CNOT6: variants seen among roughly 807,000 people sequenced by gnomAD.
The protein encoded by CNOT6 is carbon catabolite repression 4 protein.
In CNOT6, 12 loss-of-function variants were observed where a neutral mutation model predicts 61.2. The ratio of observed to expected loss-of-function variants is 0.20; its 90% CI spans 0.13 to 0.32. The LOEUF is 0.32. Among genes scored for constraint, CNOT6 ranks in the 10% least tolerant of loss-of-function variants. The pLI is 1.00. For synonymous variants in CNOT6, 225 were observed against 240.6 expected (o/e 0.94, Z 0.60); for missense variants, 405 against 663.9 (o/e 0.61, Z 4.28).
chr5:180,501,281 T>C (rs571101279), intron 1 of CNOT6, among the ~76,000 whole-genome samples: 1 of 152,238 alleles, frequency 6.6e-6, no homozygotes, highest in Admixed American at 6.5e-5. Context: ...GATACCAGAA[T>C]TAGGGACAGA....
chr5:180,510,179 T>C (rs13182715), intron 1 of CNOT6, among the ~76,000 whole-genome samples: 55,267 of 116,796 alleles, frequency 0.47, 13,958 homozygotes, highest in Non-Finnish European at 0.58. Context: ...TAAGAGATGG[T>C]GTTTTTCTGT....
At chr5:180,509,168 G>T (rs143854416) in intron 1 of CNOT6, among the ~76,000 whole-genome samples, 1,944 of 151,518 alleles carry the variant, frequency 0.013, 39 homozygotes, top group African/African-American at 0.044. Context: ...GTCTGGTTCT[G>T]TCACCCAGAC....
chr5:180,568,132 T>C, intron 9 of CNOT6, 129 bp downstream of exon 9: 1 of 861,378 alleles, frequency 1.2e-6, no homozygotes. Flanking sequence ...TGAGAAGTTG[T>C]CTTTCCTAAA....
rs879653655 is a variant in CNOT6 at position 180,530,241 on chromosome 5, A to G, written c.112+853A>G. On this transcript the variant is annotated intron_variant, in intron 2 of 11. Transcript: ENST00000261951. ...TTAATGCAGCAGACATACTGAGCAT[A>G]TGCTGTGTGTAAAACATTTTACCTG... 5.3e-5 allele frequency among the ~76,000 whole-genome samples: 8 copies of G among 152,354 alleles called. No individual in the cohort carries two copies. The East Asian group carries it at 7.7e-4, about 15-fold the overall frequency.
intron 1 of CNOT6, among the ~76,000 whole-genome samples, chr5:180,522,267 ATGCTGGCTAATTTTT>A (rs934401234): frequency 2.0e-5 from 3 of 151,946 alleles, no homozygotes; most frequent in Non-Finnish European, 4.4e-5. Context: ...ACATGCCACC[ATGCTGGCTAATTTTT>A]GTATTTTTTT....
In CNOT6 at chr5:180,571,395, G is replaced by A; in HGVS notation, c.1424G>A (p.Gly475Asp). ...GFKLQSAYES[G>D]LMPYTNYTFD... ...AAGTTACAGAGTGCCTATGAGAGTG[G>A]CCTGATGCCTTACACGAATTACACA... Residue 475 changes from glycine to aspartate, a missense_variant, in exon 11 of 12, where the codon GGC (glycine) becomes GAC (aspartate). Physicochemically the swap from Gly to Asp is moderately conservative, Grantham distance 94. Transcript: ENST00000261951. 1 of 1,614,158 alleles carries A rather than the reference G, an allele frequency of 6.2e-7. No homozygotes were observed. Among genetic ancestry groups the A allele is most frequent in the Non-Finnish European group, 8.5e-7 (1 of 1,180,002 alleles).
At chr5:180,543,615 G>A (rs1446999670) in intron 2 of CNOT6, among the ~76,000 whole-genome samples, 1 of 152,182 alleles carries the variant, frequency 6.6e-6, no homozygotes, top group Non-Finnish European at 1.5e-5. Flanking sequence ...ATCACAAATT[G>A]TGGAATTGAT....
chr5:180,546,595 T>C (rs1358728959), intron 2 of CNOT6, among the ~76,000 whole-genome samples: 2 of 152,272 alleles, frequency 1.3e-5, no homozygotes, highest in South Asian at 2.1e-4. Context: ...ACCCACGTTA[T>C]CTTATTTCTA....
At chr5:180,515,966 A>C (rs1757618949) in intron 1 of CNOT6, among the ~76,000 whole-genome samples, 1 of 152,128 alleles carries the variant, frequency 6.6e-6, no homozygotes, top group Admixed American at 6.6e-5. Context: ...GGTGGAGTGC[A>C]GTGGCTTGAT....
intron 1 of CNOT6, among the ~76,000 whole-genome samples, chr5:180,503,112 C>CT (rs1439653690): frequency 9.2e-5 from 14 of 152,202 alleles, no homozygotes; most frequent in African/African-American, 3.1e-4. Context: ...GGCTCTGCTG[C>CT]TTTACATGTG....
chr5:180,504,752 G>T (rs116595056), intron 1 of CNOT6, among the ~76,000 whole-genome samples: 1 of 151,938 alleles, frequency 6.6e-6, no homozygotes, highest in Non-Finnish European at 1.5e-5. Context: ...AGAGATTTGC[G>T]GAACTGAGAC....
At chr5:180,505,251 A>ATTTTTT (rs70973919) in intron 1 of CNOT6, among the ~76,000 whole-genome samples, 2 of 60,424 alleles carry the variant, frequency 3.3e-5, no homozygotes, top group East Asian at 4.1e-4. Context: ...GTAATAGTTA[A>ATTTTTT]TTTTTTTTTT....
chr5:180,511,925 TTTTTAACATATC>T (rs1162977727), intron 1 of CNOT6, among the ~76,000 whole-genome samples: 3 of 152,234 alleles, frequency 2.0e-5, no homozygotes, highest in Non-Finnish European at 4.4e-5. Context: ...CCTGGCTCCA[TTTTTAACATATC>T]ACTGTTTTCC....
Position 180,567,255 on chromosome 5 carries a change from A to C in CNOT6, c.872+13A>C. 2 of 1,593,506 alleles carry C rather than the reference A, an allele frequency of 1.3e-6. No individual in the cohort carries two copies. Among genetic ancestry groups the C allele is most frequent in the East Asian group, 4.5e-5 (2 of 44,614 alleles). On this transcript the variant is annotated intron_variant, in intron 8 of 11. Transcript: ENST00000261951. ...TCAAGACAGAAAAGTAAGTCATCTT[A>C]TTTTTTAAAAAGAACGTTTTCTCAG...
At chr5:180,495,593 G>A (rs1045328409) in intron 1 of CNOT6, 1 of 152,218 alleles carries the variant, frequency 6.6e-6, no homozygotes, top group African/African-American at 2.4e-5. Context: ...TACTGTGTAA[G>A]CTGATGTGTT....
intron 3 of CNOT6, among the ~76,000 whole-genome samples, chr5:180,552,369 A>C (rs987498686): frequency 6.6e-6 from 1 of 151,026 alleles, no homozygotes. Flanking sequence ...GCTGGGCACG[A>C]TGGCTCAAGC....
At chr5:180,566,878 T>G (rs1760492030) in intron 7 of CNOT6, among the ~76,000 whole-genome samples, 1 of 151,914 alleles carries the variant, frequency 6.6e-6, no homozygotes, top group Non-Finnish European at 1.5e-5. Flanking sequence ...GGTCTGGAAC[T>G]CCTGGGCTCT....
chr5:180,513,445 C>CTTG (rs1377521170), intron 1 of CNOT6, among the ~76,000 whole-genome samples: 2 of 152,098 alleles, frequency 1.3e-5, no homozygotes, highest in Non-Finnish European at 2.9e-5. Flanking sequence ...TCACTCATTG[C>CTTG]AACCTCCGCC....
rs1760416478 is a variant in CNOT6 at position 180,565,744 on chromosome 5, T to C, written c.560-76T>C. Reference sequence around the variant, plus strand: ...AATACGGTCAAACTTAACATTTAAGTGAAAACCATTACTGAAATTAATTAT... The same window carrying C: ...AATACGGTCAAACTTAACATTTAAGCGAAAACCATTACTGAAATTAATTAT... On this transcript the variant is annotated intron_variant, in intron 6 of 11. Transcript: ENST00000261951. 3 of 1,360,238 alleles carry C rather than the reference T, an allele frequency of 2.2e-6. No individual in the cohort carries two copies. The African/African-American group carries it at 4.4e-5, about 20-fold the overall frequency. The allele number at this position is 1,360,238 out of a possible 1,614,324, so 84.3% of individuals were successfully genotyped here. A position where few individuals can be genotyped will look rare whatever the true frequency, so the allele number is the denominator to read the frequency against.
Sources: allele counts gnomAD v4.1 joint callset (sites outside exome capture counted in the v4.1 genomes callset), GRCh38; gene constraint gnomAD v4.1.1; transcripts MANE v1.5; gene names NCBI Gene and HGNC (gene_info 2026-07-23, HGNC 2026-07-21).